The following SETD5 variants were observed in gnomAD, a reference collection of about 807,000 sequenced individuals.
SETD5 encodes SET domain containing 5, also known as histone-lysine N-methyltransferase SETD5.
In SETD5, 44 loss-of-function variants were observed where a neutral mutation model predicts 153.3. The observed-to-expected ratio is 0.29, with a 90% CI of 0.23 to 0.37. SETD5 has a LOEUF of 0.37. Among genes scored for constraint, SETD5 ranks in the 10% least tolerant of loss-of-function variants. The pLI, the probability that SETD5 is intolerant of heterozygous loss-of-function variation, is 1.00. For synonymous variants in SETD5, 716 were observed against 645.2 expected (o/e 1.11, Z -1.66); for missense variants, 1,544 against 1,768.0 (o/e 0.87, Z 2.27).
At chr3:9,464,335 G>C (rs980559940) in intron 17 of SETD5, 90 bp from the exon 18 acceptor site, 3 of 1,512,274 alleles carry the variant, frequency 2.0e-6, no homozygotes, top group Non-Finnish European at 2.7e-6. Flanking sequence ...ACAGTTAAGA[G>C]CCATTGTAGA....
rs142776355 is a variant in SETD5, at chr3:9,431,072, C to G, written c.71+2063C>G. On this transcript the variant is annotated intron_variant, in intron 3 of 22. Transcript: ENST00000402198. ...TGTTCTGGGCACTTTAAGATTAAAC[C>G]TGGTATTAAGTGCAGCATACTCAAC... 1.2e-4 allele frequency: 114 copies of G among 985,308 alleles called. 1 individual carries two copies. The African/African-American group carries it at 1.6e-3, about 14-fold the overall frequency. The allele number at this position is 985,308 out of a possible 1,614,324, so 61.0% of individuals were successfully genotyped here.
intron 17 of SETD5, among the ~76,000 whole-genome samples, chr3:9,463,086 C>G (rs540854507): frequency 2.6e-4 from 39 of 152,284 alleles, no homozygotes; most frequent in African/African-American, 9.4e-4. Context: ...GTGGTGCAGT[C>G]TCAACTCGCT....
chr3:9,464,911 C>T (rs922455102), intron 18 of SETD5: 2 of 550,250 alleles, frequency 3.6e-6, no homozygotes, highest in Non-Finnish European at 6.5e-6. Context: ...GTATCTTTTG[C>T]ATGCAGTCCA....
Position 9,445,145 on chromosome 3 carries a change from C to A in SETD5, c.1285C>A (p.Pro429Thr). 1 of 1,614,012 alleles carries A rather than the reference C, an allele frequency of 6.2e-7. No homozygotes were observed. The highest frequency in any genetic ancestry group is 8.5e-7 in the Non-Finnish European group (1 of 1,179,892). Residue 429 changes from proline to threonine, a missense_variant, in exon 12 of 23, where the codon CCT becomes ACT. Coordinates refer to ENST00000402198, the MANE Select transcript of SETD5 (RefSeq NM_001080517.3). ...NATELPLLPP[P>T]PSLPTIGAET... ...TACAGAACTGCCACTCCTACCACCT[C>A]CTCCAAGCCTACCCACCATTGGAGC...
chr3:9,410,879 TTTTTTTTTTC>T (rs925580184), intron 1 of SETD5, among the ~76,000 whole-genome samples: 3 of 149,702 alleles, frequency 2.0e-5, no homozygotes, highest in African/African-American at 7.4e-5. Flanking sequence ...AAAATTCTCT[TTTTTTTTTTC>T]TTTTTTTTCT....
chr3:9,413,202 G>GA (rs1278023421), intron 1 of SETD5, among the ~76,000 whole-genome samples: 1 of 151,962 alleles, frequency 6.6e-6, no homozygotes, highest in Non-Finnish European at 1.5e-5. Context: ...CCAATCAACA[G>GA]AAAAAATAGA....
intron 1 of SETD5, among the ~76,000 whole-genome samples, chr3:9,420,832 ATTTT>A (rs201642422): frequency 7.0e-6 from 1 of 142,000 alleles, no homozygotes; most frequent in Non-Finnish European, 1.6e-5. Context: ...CTTCTCTCTC[ATTTT>A]TTTTTTTCAT....
In SETD5 at chr3:9,443,290, A is replaced by G. The variant is rs1341035971; in HGVS notation, c.1078-18A>G. The G allele has an allele frequency of 6.5e-7, 1 of 1,541,198 alleles. No homozygotes were observed. The highest frequency in any genetic ancestry group is 8.8e-7 in the Non-Finnish European group (1 of 1,139,038). Reference sequence around the variant, plus strand: ...CATGGTCTTTATGAAAAATCCAACCAGAAGCCTTTTCACACAGGTGCGACA... The same window carrying G: ...CATGGTCTTTATGAAAAATCCAACCGGAAGCCTTTTCACACAGGTGCGACA... On this transcript the variant is annotated intron_variant, in intron 10 of 22. Coordinates refer to ENST00000402198, the MANE Select transcript of SETD5 (RefSeq NM_001080517.3).
intron 2 of SETD5, among the ~76,000 whole-genome samples, chr3:9,425,353 T>C (rs759766735): frequency 3.9e-5 from 6 of 152,070 alleles, no homozygotes; most frequent in Non-Finnish European, 8.8e-5. Context: ...CGTGAGCCAC[T>C]GCACCGGGCT....
In SETD5 at chr3:9,476,937, T is replaced by G. The variant is rs1165365120; in HGVS notation, c.*846T>G. 1.3e-5 allele frequency: 2 copies of G among 152,606 alleles called. No homozygotes were observed. The highest frequency in any genetic ancestry group is 2.9e-5 in the Non-Finnish European group (2 of 68,040). The allele number at this position is 152,606 out of a possible 1,614,324, so 9.5% of individuals were successfully genotyped here. Reference sequence around the variant, plus strand: ...TACTTACCAGCTTTTGGCAATAAATTTCATTAGGAAGGATACCGAGTGGTT... The same window carrying G: ...TACTTACCAGCTTTTGGCAATAAATGTCATTAGGAAGGATACCGAGTGGTT... On this transcript the variant is annotated 3_prime_UTR_variant, in exon 23 of 23. Coordinates refer to ENST00000402198, the MANE Select transcript of SETD5 (RefSeq NM_001080517.3).
At chr3:9,475,245 CTT>C in intron 22 of SETD5, 89 bp downstream of exon 22, 1 of 1,296,658 alleles carries the variant, frequency 7.7e-7, no homozygotes, top group Non-Finnish European at 1.1e-6. Context: ...GAGATGCTGT[CTT>C]TGCATATAGT....
chr3:9,413,054 A>C (rs2036838249), intron 1 of SETD5, among the ~76,000 whole-genome samples: 1 of 152,138 alleles, frequency 6.6e-6, no homozygotes, highest in Non-Finnish European at 1.5e-5. Context: ...AAATTTTAAA[A>C]TAAAAGTATT....
chr3:9,425,575 CTTTTTT>C (rs767789314), intron 2 of SETD5, among the ~76,000 whole-genome samples: 4 of 108,082 alleles, frequency 3.7e-5, no homozygotes, highest in Admixed American at 2.8e-4. Context: ...AGAAACTGTA[CTTTTTT>C]TTTTTTTTTT....
rs1359658120 is a variant in SETD5, at chr3:9,447,865, C to G, written c.1962C>G (p.Asn654Lys). 6.2e-7 allele frequency: 1 copy of G among 1,614,000 alleles called. No homozygotes were observed. Among genetic ancestry groups the G allele is most frequent in the Non-Finnish European group, 8.5e-7 (1 of 1,179,880 alleles). Residue 654 changes from asparagine (N) to lysine (K), a missense_variant, in exon 15 of 23, where the codon AAC (asparagine) becomes AAG (lysine). This residue lies in a region of SETD5 where 782 missense variants were observed against 787.2 expected (regional missense o/e 0.99). Coordinates refer to ENST00000402198, the MANE Select transcript of SETD5 (RefSeq NM_001080517.3). The part of the protein sequence containing the change: ...SQAALEEGGS[N>K]SLVTPTEAGS... ...CTGCCTTGGAAGAGGGAGGAAGTAA[C>G]AGTTTAGTAACTCCTACTGAAGCTG...
intron 3 of SETD5, chr3:9,429,884 A>C: frequency 7.7e-7 from 1 of 1,303,996 alleles, no homozygotes; most frequent in Non-Finnish European, 1.0e-6. Context: ...CAGGATGTGA[A>C]AGTCCAGCGA....
At chr3:9,435,692 T>C in intron 6 of SETD5, 36 bp from the exon 7 acceptor site, 1 of 1,507,924 alleles carries the variant, frequency 6.6e-7, no homozygotes, top group Non-Finnish European at 8.9e-7. Flanking sequence ...CTTTTGAGGC[T>C]ATTAGTACCT....
intron 9 of SETD5, 55 bp downstream of exon 9, chr3:9,441,796 G>A: frequency 1.2e-6 from 2 of 1,606,076 alleles, no homozygotes; most frequent in East Asian, 2.2e-5. Flanking sequence ...GTTGACCAGT[G>A]TTGTTGTAAA....
intron 18 of SETD5, among the ~76,000 whole-genome samples, chr3:9,468,734 G>C (rs529171533): frequency 9.2e-5 from 14 of 152,142 alleles, no homozygotes; most frequent in African/African-American, 3.1e-4. Context: ...CTTCCTGTGT[G>C]ACTGTGACTA....
At chr3:9,435,583 A>C (rs1448956619) in intron 6 of SETD5, 145 bp from the exon 7 acceptor site, 2 of 606,128 alleles carry the variant, frequency 3.3e-6, no homozygotes, top group Non-Finnish European at 5.3e-6. Context: ...AAGGAAGATG[A>C]GTATTTAACG....
Sources: gnomAD v4.1 joint callset for allele counts (sites outside exome capture counted in the v4.1 genomes callset) on GRCh38, gnomAD v4.1.1 for gene constraint, gnomAD v4.1.1 regional missense constraint, MANE v1.5 for transcripts, NCBI Gene and HGNC (gene_info 2026-07-23, HGNC 2026-07-21) for gene names.